Variants in ADAMTS3 observed in about 807,000 individuals in gnomAD.
ADAMTS3 encodes ADAM metallopeptidase with thrombospondin type 1 motif 3.
Under a neutral mutation model 129.0 loss-of-function variants are expected in ADAMTS3, and 73 were observed. The ratio of observed to expected loss-of-function variants is 0.57; its 90% CI spans 0.47 to 0.69. The LOEUF (loss-of-function observed/expected upper bound fraction) is 0.69. ADAMTS3 is among the 30% of genes least tolerant of loss of function. ADAMTS3 has a pLI of 0.00. For synonymous variants in ADAMTS3, 477 were observed against 510.8 expected (o/e 0.93, Z 0.89); for missense variants, 1,457 against 1,514.5 (o/e 0.96, Z 0.63).
Position 72,559,965 on chromosome 4 carries a change from C to G in ADAMTS3, c.97+7409G>C, listed in dbSNP as rs928774038. ...ACTATACTACAAGGCTACAATAACC[C>G]AAACAGCCTGGTACTGACACAAAAA... is the stretch of plus-strand genomic sequence containing the variant. On this transcript the variant is annotated intron_variant, in intron 2 of 21. Coordinates refer to ENST00000286657, the MANE Select transcript of ADAMTS3 (RefSeq NM_014243.3). Among the ~76,000 whole-genome samples the G allele has an allele frequency of 7.3e-5, 11 of 151,714 alleles. No individual in the cohort carries two copies. In the East Asian group the frequency reaches 1.9e-3, roughly 27 times the overall value.
rs564404862 is a variant in ADAMTS3 at position 72,514,257 on chromosome 4, C to T, written c.504+34221G>A. On this transcript the variant is annotated intron_variant, in intron 3 of 21. Transcript: ENST00000286657. ...AACCTGCTGATACAGGATTACTAGG[C>T]CCATACAAGTTACAAGTACTTCTAG... is the stretch of plus-strand genomic sequence containing the variant. Among the ~76,000 whole-genome samples the T allele has an allele frequency of 2.0e-5, 3 of 152,086 alleles. No individual in the cohort carries two copies. In the South Asian group the frequency reaches 6.2e-4, roughly 32 times the overall value.
At chr4:72,518,946 A>G (rs1166108617) in intron 3 of ADAMTS3, among the ~76,000 whole-genome samples, 1 of 152,028 alleles carries the variant, frequency 6.6e-6, no homozygotes, top group Non-Finnish European at 1.5e-5. Flanking sequence ...TGGTCTTTAC[A>G]TTTTGGCATG....
At position 72,313,156 on chromosome 4, in the gene ADAMTS3, T is replaced by A. The variant is rs1388821084; in HGVS notation, c.1745+521A>T. Among the ~76,000 whole-genome samples the A allele has an allele frequency of 3.3e-5, 5 of 152,162 alleles. No individual in the cohort carries two copies. The East Asian group carries it at 9.6e-4, about 29-fold the overall frequency. On this transcript the variant is annotated intron_variant, in intron 12 of 21. Transcript: ENST00000286657. ...TGTGAGAATTCAGTTGTTTTTTTCT[T>A]CGTAAAGATTGCTGAGCACACAATA...
chr4:72,547,949 G>A (rs922268208), intron 3 of ADAMTS3, among the ~76,000 whole-genome samples: 5 of 152,086 alleles, frequency 3.3e-5, no homozygotes, highest in Admixed American at 6.6e-5. Context: ...TGAAGCCACC[G>A]CACAGAAAGT....
chr4:72,548,882 A>G lies in ADAMTS3; in HGVS notation c.100T>C (p.Leu34=). Reference sequence around the variant, plus strand: ...TACTCTCTATATCTCTTTATTGGTAAATCTGTGGGGTGAAAAACAGAACTG... The same window carrying G: ...TACTCTCTATATCTCTTTATTGGTAGATCTGTGGGGTGAAAAACAGAACTG... ...AGNEEMVQID[L]PIKRYREYEL... Residue 34 remains leucine, a splice_region_variant and synonymous_variant, in exon 3 of 22, where the codon TTA becomes CTA. Coordinates refer to ENST00000286657, the MANE Select transcript of ADAMTS3 (RefSeq NM_014243.3). The G allele has an allele frequency of 6.2e-7, 1 of 1,602,236 alleles. No homozygotes were observed. The highest frequency in any genetic ancestry group is 8.5e-7 in the Non-Finnish European group (1 of 1,173,628).
At chr4:72,292,483 C>T (rs774599499) in intron 19 of ADAMTS3, among the ~76,000 whole-genome samples, 1 of 152,196 alleles carries the variant, frequency 6.6e-6, no homozygotes. Context: ...AAACTGTTCA[C>T]ACAAATGCAC....
chr4:72,548,977 A>G, intron 2 of ADAMTS3, 93 bp from the exon 3 acceptor site: 1 of 1,163,344 alleles, frequency 8.6e-7, no homozygotes, highest in Non-Finnish European at 1.2e-6. Context: ...TCACAAGACC[A>G]TACTTCAATG....
intron 3 of ADAMTS3, among the ~76,000 whole-genome samples, chr4:72,510,543 T>C (rs1260644072): frequency 1.3e-5 from 2 of 151,618 alleles, no homozygotes; most frequent in African/African-American, 4.8e-5. Context: ...TAAAATTAAA[T>C]AGGAATTAAC....
chr4:72,563,583 C>T (rs1721955175), intron 2 of ADAMTS3, among the ~76,000 whole-genome samples: 1 of 152,128 alleles, frequency 6.6e-6, no homozygotes, highest in Admixed American at 6.5e-5. Context: ...TGAGTACAAA[C>T]AGAAAAGCAT....
At position 72,437,593 on chromosome 4, in the gene ADAMTS3, G is replaced by A. The variant is rs549700447; in HGVS notation, c.505-22622C>T. Among the ~76,000 whole-genome samples, 85 of 151,832 alleles carry A rather than the reference G, an allele frequency of 5.6e-4. 1 individual carries two copies. The highest frequency in any genetic ancestry group is 2.0e-3 in the African/African-American group (83 of 41,480). ...AAAACCGATGCAGAAGATGCTTTGC[G>A]AGGGTTGTGTTGTCAACAATTTTCC... On this transcript the variant is annotated intron_variant, in intron 3 of 21. Transcript: ENST00000286657.
chr4:72,299,945 C>G (rs1190236374), intron 17 of ADAMTS3, among the ~76,000 whole-genome samples: 1 of 152,036 alleles, frequency 6.6e-6, no homozygotes, highest in Non-Finnish European at 1.5e-5. Context: ...AATTGATTTT[C>G]ATGTAGCTTT....
At chr4:72,342,451 C>T (rs1350379619) in intron 4 of ADAMTS3, among the ~76,000 whole-genome samples, 1 of 150,750 alleles carries the variant, frequency 6.6e-6, no homozygotes, top group Non-Finnish European at 1.5e-5. Flanking sequence ...GCAACCTCTG[C>T]CTCCCCGGTT....
intron 3 of ADAMTS3, among the ~76,000 whole-genome samples, chr4:72,438,078 C>T (rs1718012327): frequency 6.6e-6 from 1 of 151,672 alleles, no homozygotes; most frequent in African/African-American, 2.4e-5. Context: ...AGTAAACTGA[C>T]TTAACCCATC....
At chr4:72,543,004 A>G (rs531219985) in intron 3 of ADAMTS3, among the ~76,000 whole-genome samples, 1 of 152,368 alleles carries the variant, frequency 6.6e-6, no homozygotes, top group South Asian at 2.1e-4. Context: ...GCATATCATC[A>G]TTAAAATACT....
intron 4 of ADAMTS3, among the ~76,000 whole-genome samples, chr4:72,361,085 TTA>T (rs1341131678): frequency 6.6e-6 from 1 of 151,958 alleles, no homozygotes; most frequent in Non-Finnish European, 1.5e-5. Context: ...TTTTATGTGT[TTA>T]TGTTTCCAGG....
At chr4:72,375,233 C>T (rs1259839098) in intron 4 of ADAMTS3, among the ~76,000 whole-genome samples, 1 of 152,152 alleles carries the variant, frequency 6.6e-6, no homozygotes, top group Non-Finnish European at 1.5e-5. Context: ...GCTATTTCAT[C>T]CTGGTGAGGC....
chr4:72,363,443 T>C (rs1186775599), intron 4 of ADAMTS3, among the ~76,000 whole-genome samples: 2 of 152,052 alleles, frequency 1.3e-5, no homozygotes, highest in African/African-American at 4.8e-5. Context: ...GAGATAAAAA[T>C]AAAAAAGGCC....
In ADAMTS3 at chr4:72,310,986, C is replaced by T; in HGVS notation, c.2055+62G>A. The T allele has an allele frequency of 2.8e-6, 4 of 1,416,460 alleles. 1 individual carries two copies. Among genetic ancestry groups the T allele is most frequent in the Non-Finnish European group, 3.8e-6 (4 of 1,060,552 alleles). The allele number at this position is 1,416,460 out of a possible 1,614,324, so 87.7% of individuals were successfully genotyped here. On this transcript the variant is annotated intron_variant, in intron 14 of 21. Transcript: ENST00000286657. ...AATAGTTTAAAAAATTAAAAATGTG[C>T]AGATGAATGACAGTAAACGTAGATA...
chr4:72,556,412 C>A (rs1721768112), intron 2 of ADAMTS3, among the ~76,000 whole-genome samples: 1 of 151,858 alleles, frequency 6.6e-6, no homozygotes, highest in East Asian at 1.9e-4. Context: ...AAAGACCACA[C>A]TATAGAACTG....
Sources: gnomAD v4.1 joint callset for allele counts (sites outside exome capture counted in the v4.1 genomes callset) on GRCh38, gnomAD v4.1.1 for gene constraint, MANE v1.5 for transcripts, NCBI Gene and HGNC (gene_info 2026-07-23, HGNC 2026-07-21) for gene names.